EIF4E3: variants seen among roughly 807,000 people sequenced by gnomAD.
EIF4E3 encodes eukaryotic translation initiation factor 4E type 3.
Under a neutral mutation model 31.7 loss-of-function variants are expected in EIF4E3, and 26 were observed. That is an observed-to-expected ratio of 0.82 (90% confidence interval 0.60 to 1.14). The LOEUF is 1.14. Among genes scored for constraint, EIF4E3 ranks in the 50% most tolerant of loss-of-function variants. The probability of loss-of-function intolerance (pLI) is 0.00; values close to 1 mark genes in which losing one functional copy is unlikely to be tolerated. For missense variants in EIF4E3, 304 were observed against 270.9 expected (o/e 1.12, Z -0.86); for synonymous variants, 128 against 107.7 (o/e 1.19, Z -1.17).
chr3:71,740,092 T>C lies in EIF4E3; in HGVS notation c.-290-11469A>G, dbSNP rs541707006. Among the ~76,000 whole-genome samples the C allele has an allele frequency of 1.0e-3, 152 of 151,956 alleles. 2 individuals carry two copies. Among genetic ancestry groups the C allele is most frequent in the African/African-American group, 3.5e-3 (145 of 41,510 alleles). On this transcript the variant is annotated intron_variant, in intron 1 of 7. Coordinates refer to the EIF4E3 transcript ENST00000295612. ...ACTAAAATAACAAAGCAAAGAATTA[T>C]AACTAATAATCCAACAAAAGAGATA...
the EIF4E3 span, among the ~76,000 whole-genome samples, chr3:71,661,639 T>C: frequency 4.6e-5 from 7 of 152,164 alleles, no homozygotes; most frequent in Non-Finnish European, 4.4e-5. Flanking sequence ...CATGAGGCTG[T>C]TTTAGGCTTT....
upstream of EIF4E3, chr3:71,754,758 C>G: frequency 7.4e-7 from 1 of 1,347,594 alleles, no homozygotes; most frequent in Non-Finnish European, 9.6e-7. The surrounding 1 kb of genome is among the most constrained non-coding windows in gnomAD (Gnocchi z 5.8). Flanking sequence ...CGCCACCGGC[C>G]AGGCGGCCGC....
intron 1 of EIF4E3, among the ~76,000 whole-genome samples, chr3:71,712,154 G>C (rs2049389342): frequency 6.6e-6 from 1 of 152,174 alleles, no homozygotes; most frequent in Non-Finnish European, 1.5e-5. Flanking sequence ...GCTGGACATT[G>C]TTTTAGAAAA....
chr3:71,725,392 G>A lies in EIF4E3; in HGVS notation c.-25C>T. On this transcript the variant is annotated 5_prime_UTR_variant, in exon 1 of 7. Coordinates refer to ENST00000425534, the MANE Select transcript of EIF4E3 (RefSeq NM_001134651.2). The surrounding 1 kb of genome is among the most constrained non-coding windows in gnomAD (Gnocchi z 6.1). ...TTTTCTCCGCCCCGCCTGCAAGGCC[G>A]GCGGACGCGCGGACCGCGGGGCGAG... 1.0e-6 allele frequency: 1 copy of A among 977,296 alleles called. No homozygotes were observed. The highest frequency in any genetic ancestry group is 1.2e-6 in the Non-Finnish European group (1 of 826,268). 60.5% of individuals were successfully genotyped at this position (977,296 alleles called of 1,614,324 possible).
chr3:71,754,586 C>T, upstream of EIF4E3: 1 of 1,415,418 alleles, frequency 7.1e-7, no homozygotes, highest in South Asian at 1.4e-5. This position sits in a 1 kb window ranked among gnomAD's most constrained non-coding sequence, Gnocchi z 5.8. Flanking sequence ...GGCCCGACGG[C>T]GCCCCCGGCG....
intron 1 of EIF4E3, among the ~76,000 whole-genome samples, chr3:71,715,303 T>A (rs1010899920): frequency 5.9e-5 from 9 of 152,242 alleles, no homozygotes; most frequent in Non-Finnish European, 1.2e-4. Context: ...TTAAAATTTA[T>A]TTAATCAACA....
chr3:71,753,816 C>T (rs1337132503), upstream of EIF4E3, among the ~76,000 whole-genome samples: 1 of 148,578 alleles, frequency 6.7e-6, no homozygotes, highest in Non-Finnish European at 1.5e-5. Flanking sequence ...CCCGCGGCGC[C>T]TAGGGCGCAG....
chr3:71,674,367 A>G (rs1017419413), downstream of EIF4E3, among the ~76,000 whole-genome samples: 4 of 151,862 alleles, frequency 2.6e-5, no homozygotes, highest in Non-Finnish European at 4.4e-5. Flanking sequence ...TCAGCCTCCC[A>G]AAGTGCTGAG....
intron 2 of EIF4E3, among the ~76,000 whole-genome samples, chr3:71,703,536 C>T (rs2049247436): frequency 6.6e-6 from 1 of 152,126 alleles, no homozygotes. Flanking sequence ...TATGGTTAGA[C>T]CCATTAATAT....
chr3:71,673,854 T>C (rs979074858), downstream of EIF4E3, among the ~76,000 whole-genome samples: 1 of 150,078 alleles, frequency 6.7e-6, no homozygotes, highest in African/African-American at 2.4e-5. Context: ...TCAGCAATAC[T>C]AAGGCCTATT....
chr3:71,663,846 G>A, the EIF4E3 span, among the ~76,000 whole-genome samples: 1 of 152,242 alleles, frequency 6.6e-6, no homozygotes, highest in Non-Finnish European at 1.5e-5. Context: ...TAGTGTGAGG[G>A]ACAGGCAAAC....
chr3:71,660,436 CT>C, the EIF4E3 span, among the ~76,000 whole-genome samples: 2 of 152,200 alleles, frequency 1.3e-5, no homozygotes, highest in Non-Finnish European at 2.9e-5. Flanking sequence ...GAAAGCCAGT[CT>C]TGAAGATCAA....
intron 6 of EIF4E3, among the ~76,000 whole-genome samples, chr3:71,687,279 G>A (rs1280815249): frequency 6.6e-6 from 1 of 152,208 alleles, no homozygotes; most frequent in Non-Finnish European, 1.5e-5. Flanking sequence ...TGGGATTACA[G>A]GCGTGAGCCA....
At chr3:71,717,200 G>A (rs1022990782) in intron 1 of EIF4E3, among the ~76,000 whole-genome samples, 9 of 152,246 alleles carry the variant, frequency 5.9e-5, no homozygotes, top group East Asian at 1.9e-4. Flanking sequence ...TTGTTGGAGC[G>A]GCAATCTCCA....
intron 4 of EIF4E3, 123 bp from the exon 5 acceptor site, chr3:71,694,064 T>TG: frequency 1.1e-6 from 1 of 917,334 alleles, no homozygotes; most frequent in Non-Finnish European, 1.6e-6. Context: ...TGCCCATACT[T>TG]GGAGTCCACA....
chr3:71,677,683 A>C lies in EIF4E3; in HGVS notation c.*6999T>G, dbSNP rs377531397. On this transcript the variant is annotated 3_prime_UTR_variant, in exon 7 of 7. Coordinates refer to ENST00000425534, the MANE Select transcript of EIF4E3 (RefSeq NM_001134651.2). ...TAAAATTAATTAGGCATCACACATA[A>C]GATCCTGAATTGCTTGTTTCTGCAG... 2 of 152,320 alleles carry C rather than the reference A, an allele frequency of 1.3e-5. No homozygotes were observed. Among genetic ancestry groups the C allele is most frequent in the African/African-American group, 4.8e-5 (2 of 41,566 alleles). 9.4% of individuals were successfully genotyped at this position (152,320 alleles called of 1,614,324 possible).
rs766775589 is a variant in EIF4E3 at position 71,751,405 on chromosome 3, T to C, written c.-291+2058A>G. On this transcript the variant is annotated intron_variant, in intron 1 of 7. Coordinates refer to the EIF4E3 transcript ENST00000295612. Reference sequence around the variant, plus strand: ...CAATGATTACATTAAATAACACATGTCGAGAATTTAGCACAATGCTTGGCA... The same window carrying C: ...CAATGATTACATTAAATAACACATGCCGAGAATTTAGCACAATGCTTGGCA... Among the ~76,000 whole-genome samples, 65 of 152,164 alleles carry C rather than the reference T, an allele frequency of 4.3e-4. 2 individuals are homozygous for C. Among genetic ancestry groups the C allele is most frequent in the Admixed American group, 2.0e-4 (3 of 15,282 alleles).
chr3:71,742,058 T>G (rs948206684), intron 1 of EIF4E3, among the ~76,000 whole-genome samples: 4 of 152,296 alleles, frequency 2.6e-5, no homozygotes, highest in Admixed American at 1.3e-4. Context: ...AATAAAGATC[T>G]CAAATAGATG....
intron 6 of EIF4E3, among the ~76,000 whole-genome samples, chr3:71,688,818 A>G (rs1306232458): frequency 2.6e-5 from 4 of 152,232 alleles, no homozygotes; most frequent in South Asian, 2.1e-4. Context: ...CAACTTCTGC[A>G]GTGCCATTTT....
Sources: gnomAD v4.1 joint callset for allele counts (sites outside exome capture counted in the v4.1 genomes callset) on GRCh38, gnomAD v4.1.1 for gene constraint, Gnocchi (gnomAD v3.1) non-coding constraint, MANE v1.5 for transcripts, NCBI Gene and HGNC (gene_info 2026-07-23, HGNC 2026-07-21) for gene names.